Variants in NCKAP5 observed in about 807,000 individuals in gnomAD.
The protein encoded by NCKAP5 is NCK associated protein 5, also known as nck-associated protein 5.
In NCKAP5, 92 loss-of-function variants were observed where a neutral mutation model predicts 167.0. The ratio of observed to expected loss-of-function variants is 0.55; its 90% confidence interval spans 0.47 to 0.66. NCKAP5 has a LOEUF of 0.66. Among genes scored for constraint, NCKAP5 ranks in the 30% least tolerant of loss-of-function variants. The pLI, the probability that NCKAP5 is intolerant of heterozygous loss-of-function variation, is 0.00. For missense variants in NCKAP5, 2,378 were observed against 2,315.0 expected (o/e 1.03, Z -0.56); for synonymous variants, 891 against 877.4 (o/e 1.02, Z -0.27).
intron 5 of NCKAP5, among the ~76,000 whole-genome samples, chr2:133,199,850 T>G (rs1323210047): frequency 1.3e-5 from 2 of 151,972 alleles, no homozygotes; most frequent in Admixed American, 6.6e-5. Flanking sequence ...TACAATGAAC[T>G]ACTAATCAGC....
At chr2:133,623,703 G>C in the NCKAP5 span, among the ~76,000 whole-genome samples, 122 of 151,990 alleles carry the variant, frequency 8.0e-4, 1 homozygote, top group African/African-American at 2.8e-3. Context: ...TGGTGGTAAT[G>C]TAAACAGGTA....
chr2:133,399,314 G>A (rs181445544), intron 3 of NCKAP5, among the ~76,000 whole-genome samples: 1 of 152,000 alleles, frequency 6.6e-6, no homozygotes, highest in African/African-American at 2.4e-5. Context: ...AAGCTATGGA[G>A]GACTATGGCA....
At position 132,785,185 on chromosome 2, in the gene NCKAP5, G is replaced by A; in HGVS notation, c.1626C>T (p.Ser542=). Residue 542 remains serine (S), a synonymous_variant, in exon 14 of 20, where the codon AGC becomes AGT. Coordinates refer to ENST00000409261, the MANE Select transcript of NCKAP5 (RefSeq NM_207363.3). ...ACAGCTTCATCTCTAAGGGACAGCT[G>A]CTGGCGCAACTTGTCAGCTTTTCAG... The part of the protein sequence containing the change: ...ERPEKLTSCA[S]SCPLEMKLCP... 6.3e-7 allele frequency: 1 copy of A among 1,584,124 alleles called. No homozygotes were observed. Among genetic ancestry groups the A allele is most frequent in the East Asian group, 2.2e-5 (1 of 44,668 alleles).
chr2:133,388,655 A>C (rs1687172345), intron 3 of NCKAP5, among the ~76,000 whole-genome samples: 1 of 152,204 alleles, frequency 6.6e-6, no homozygotes, highest in South Asian at 2.1e-4. Flanking sequence ...AGAGGCAGGC[A>C]GGCCTCCTTG....
chr2:132,747,087 C>CTA (rs1679710066), intron 16 of NCKAP5, among the ~76,000 whole-genome samples: 1 of 150,802 alleles, frequency 6.6e-6, no homozygotes, highest in Non-Finnish European at 1.5e-5. Flanking sequence ...ACTTACTGAA[C>CTA]TATACACTTC....
intron 16 of NCKAP5, among the ~76,000 whole-genome samples, chr2:132,739,381 T>A (rs1691812895): frequency 6.6e-6 from 1 of 152,214 alleles, no homozygotes; most frequent in Non-Finnish European, 1.5e-5. Context: ...AATATTCAGA[T>A]AAATGAAGTG....
At chr2:133,242,455 G>C (rs2087762997) in intron 4 of NCKAP5, among the ~76,000 whole-genome samples, 1 of 152,166 alleles carries the variant, frequency 6.6e-6, no homozygotes. Flanking sequence ...GAAACAATCT[G>C]ATTGGAAGCA....
intron 16 of NCKAP5, among the ~76,000 whole-genome samples, chr2:132,751,426 A>G (rs1680103558): frequency 1.3e-5 from 2 of 152,090 alleles, no homozygotes; most frequent in Admixed American, 1.3e-4. Context: ...TCTTCGATAA[A>G]TTACCCAGCA....
chr2:133,518,650 G>T (rs1050586162), intron 2 of NCKAP5, among the ~76,000 whole-genome samples: 2 of 151,960 alleles, frequency 1.3e-5, no homozygotes, highest in African/African-American at 4.8e-5. Context: ...CACCGCGCCT[G>T]GCCCAGTCCA....
At chr2:133,287,755 C>A (rs1179002290) in intron 4 of NCKAP5, among the ~76,000 whole-genome samples, 4 of 151,962 alleles carry the variant, frequency 2.6e-5, no homozygotes, top group Admixed American at 6.6e-5. Flanking sequence ...CCCAGGTGGG[C>A]TGAGGAATGC....
the NCKAP5 span, among the ~76,000 whole-genome samples, chr2:133,641,339 G>C: frequency 1.2e-4 from 18 of 152,184 alleles, 1 homozygote; most frequent in Non-Finnish European, 2.9e-5. Flanking sequence ...TTTATCTTAA[G>C]AGATATATTC....
chr2:132,786,797 G>C (rs1316636872), intron 13 of NCKAP5, among the ~76,000 whole-genome samples: 2 of 152,174 alleles, frequency 1.3e-5, no homozygotes, highest in Non-Finnish European at 2.9e-5. Context: ...CTGGAGCAAA[G>C]GTATGACCTC....
At chr2:133,670,536 T>C in the NCKAP5 span, among the ~76,000 whole-genome samples, 17 of 152,246 alleles carry the variant, frequency 1.1e-4, 1 homozygote, top group Non-Finnish European at 2.2e-4. Context: ...CATTCATGCA[T>C]GCATAAATAT....
chr2:132,950,816 C>T (rs2076163773), intron 8 of NCKAP5, among the ~76,000 whole-genome samples: 1 of 152,170 alleles, frequency 6.6e-6, no homozygotes, highest in Non-Finnish European at 1.5e-5. Flanking sequence ...TAAATGAATT[C>T]CTGATCATCT....
At chr2:133,262,472 C>A (rs1002341927) in intron 4 of NCKAP5, among the ~76,000 whole-genome samples, 1 of 152,206 alleles carries the variant, frequency 6.6e-6, no homozygotes, top group Non-Finnish European at 1.5e-5. Flanking sequence ...TAGGTACCGA[C>A]ATGCTTCTTA....
intron 6 of NCKAP5, among the ~76,000 whole-genome samples, chr2:133,022,871 C>T (rs935211624): frequency 6.6e-6 from 1 of 152,216 alleles, no homozygotes; most frequent in Non-Finnish European, 1.5e-5. Flanking sequence ...CTTCCTCGCC[C>T]CTACACTAGC....
chr2:133,106,908 T>C (rs1297085421), intron 6 of NCKAP5, among the ~76,000 whole-genome samples: 1 of 152,176 alleles, frequency 6.6e-6, no homozygotes, highest in Non-Finnish European at 1.5e-5. Context: ...CAAAAGTGAA[T>C]GGCTGGCAAA....
At chr2:132,772,783 CG>C (rs1043572178) in intron 16 of NCKAP5, among the ~76,000 whole-genome samples, 3 of 152,112 alleles carry the variant, frequency 2.0e-5, no homozygotes, top group Non-Finnish European at 4.4e-5. Context: ...CATTAAGCCA[CG>C]GGGGTAAAAC....
intron 8 of NCKAP5, among the ~76,000 whole-genome samples, chr2:132,888,541 C>T (rs1439950723): frequency 2.6e-5 from 4 of 152,102 alleles, no homozygotes; most frequent in Non-Finnish European, 2.9e-5. Flanking sequence ...AGGCATGTGC[C>T]ACCATGCCCA....
Sources: gnomAD v4.1 joint callset for allele counts (sites outside exome capture counted in the v4.1 genomes callset) on GRCh38, gnomAD v4.1.1 for gene constraint, MANE v1.5 for transcripts, NCBI Gene and HGNC (gene_info 2026-07-23, HGNC 2026-07-21) for gene names.